PLCB1: variants seen among roughly 807,000 people sequenced by gnomAD.
PLCB1 encodes the protein phospholipase C beta 1.
PLCB1 carries 46 observed loss-of-function variants against 161.8 expected under a neutral mutation model. The observed-to-expected ratio is 0.28, with a 90% confidence interval of 0.22 to 0.36. The LOEUF (loss-of-function observed/expected upper bound fraction) is 0.36. PLCB1 is among the 10% of genes least tolerant of loss of function. The pLI is 1.00. For synonymous variants in PLCB1, 517 were observed against 503.7 expected (o/e 1.03, Z -0.35); for missense variants, 1,016 against 1,472.5 (o/e 0.69, Z 5.07).
chr20:8,803,458 G>A (rs1345118426), intron 31 of PLCB1, among the ~76,000 whole-genome samples: 4 of 129,284 alleles, frequency 3.1e-5, no homozygotes, highest in East Asian at 4.5e-4. Context: ...TCTACTGCCT[G>A]TAACACTAGA....
chr20:8,681,086 G>GTGTGTGTATATATATATA (rs1394518085), intron 9 of PLCB1, among the ~76,000 whole-genome samples: 5 of 73,844 alleles, frequency 6.8e-5, no homozygotes, highest in East Asian at 4.2e-4. Context: ...ATGTGTGTGT[G>GTGTGTGTATATATATATA]TATATATATA....
chr20:8,301,399 T>C (rs932842653), intron 2 of PLCB1, among the ~76,000 whole-genome samples: 2 of 152,204 alleles, frequency 1.3e-5, no homozygotes, highest in Admixed American at 6.5e-5. Flanking sequence ...GAAAGATCCA[T>C]AATACTTTCT....
chr20:8,724,398 G>A (rs1408296958), intron 15 of PLCB1, among the ~76,000 whole-genome samples: 2 of 152,010 alleles, frequency 1.3e-5, no homozygotes, highest in Non-Finnish European at 2.9e-5. Context: ...TGGAAAGGAG[G>A]GGGCAGGGGA....
chr20:8,546,327 A>AAG (rs1335709454), intron 3 of PLCB1, among the ~76,000 whole-genome samples: 1 of 74,350 alleles, frequency 1.3e-5, no homozygotes, highest in African/African-American at 3.9e-5. Context: ...AAAAAAAAAA[A>AAG]AAAAAAAAAA....
At chr20:8,272,937 G>T (rs1246316841) in intron 2 of PLCB1, among the ~76,000 whole-genome samples, 3 of 152,134 alleles carry the variant, frequency 2.0e-5, no homozygotes, top group Non-Finnish European at 4.4e-5. Flanking sequence ...AAAACATCTG[G>T]TGAGGAGCAT....
At chr20:8,318,244 A>G (rs1984748703) in intron 2 of PLCB1, among the ~76,000 whole-genome samples, 1 of 152,178 alleles carries the variant, frequency 6.6e-6, no homozygotes, top group African/African-American at 2.4e-5. Context: ...TTTAAAAGTC[A>G]GAGATATGTA....
chr20:8,315,438 A>G (rs1411075229), intron 2 of PLCB1, among the ~76,000 whole-genome samples: 1 of 152,184 alleles, frequency 6.6e-6, no homozygotes, highest in Non-Finnish European at 1.5e-5. Context: ...AGTTAAGCTG[A>G]CACATTTTGA....
At chr20:8,288,454 ATAGGG>A (rs1983227562) in intron 2 of PLCB1, among the ~76,000 whole-genome samples, 1 of 152,184 alleles carries the variant, frequency 6.6e-6, no homozygotes, top group Non-Finnish European at 1.5e-5. Context: ...AGAAAGAAAA[ATAGGG>A]TAGGATTAGA....
At chr20:8,281,996 A>C (rs1232131708) in intron 2 of PLCB1, among the ~76,000 whole-genome samples, 1 of 152,204 alleles carries the variant, frequency 6.6e-6, no homozygotes, top group Non-Finnish European at 1.5e-5. Flanking sequence ...TTTAAAAAAA[A>C]ATTTTAAATC....
At chr20:8,282,593 A>G (rs957151841) in intron 2 of PLCB1, among the ~76,000 whole-genome samples, 1 of 152,222 alleles carries the variant, frequency 6.6e-6, no homozygotes, top group Non-Finnish European at 1.5e-5. Context: ...AAAAACAGTA[A>G]CAGCAATATG....
At chr20:8,681,086 G>GTATATATATATATATATATA (rs202198416) in intron 9 of PLCB1, among the ~76,000 whole-genome samples, 26 of 73,836 alleles carry the variant, frequency 3.5e-4, no homozygotes, top group Admixed American at 7.9e-4. Flanking sequence ...ATGTGTGTGT[G>GTATATATATATATATATATA]TATATATATA....
chr20:8,583,254 GAA>G (rs970740322), intron 3 of PLCB1, among the ~76,000 whole-genome samples: 3 of 152,230 alleles, frequency 2.0e-5, no homozygotes, highest in African/African-American at 7.2e-5. Flanking sequence ...TATGCAGAGT[GAA>G]AAGAGTTCTG....
intron 2 of PLCB1, among the ~76,000 whole-genome samples, chr20:8,179,805 T>G (rs2051819454): frequency 6.6e-6 from 1 of 151,632 alleles, no homozygotes; most frequent in South Asian, 2.1e-4. Context: ...TGGCTCTTAT[T>G]ATTTTGAGAT....
Position 8,884,675 on chromosome 20 carries a change from G to A in PLCB1, c.*2826G>A, listed in dbSNP as rs1988111557. 6.6e-6 allele frequency: 1 copy of A among 152,508 alleles called. No individual in the cohort carries two copies. The highest frequency in any genetic ancestry group is 6.6e-5 in the Admixed American group (1 of 15,250). 9.4% of individuals were successfully genotyped at this position (152,508 alleles called of 1,614,324 possible). ...TGTTAATATTGTTTGTGATGGATTG[G>A]ACGTTGTGACTCTTGCCTTTTAAGA... On this transcript the variant is annotated 3_prime_UTR_variant, in exon 32 of 32. Coordinates refer to ENST00000338037, the MANE Select transcript of PLCB1 (RefSeq NM_015192.4).
intron 10 of PLCB1, among the ~76,000 whole-genome samples, chr20:8,685,460 A>G (rs1292292829): frequency 6.6e-6 from 1 of 151,566 alleles, no homozygotes; most frequent in Non-Finnish European, 1.5e-5. Flanking sequence ...GTGGTGGCTC[A>G]TGCTTGTAAT....
At chr20:8,240,889 C>T (rs1350025480) in intron 2 of PLCB1, among the ~76,000 whole-genome samples, 1 of 151,816 alleles carries the variant, frequency 6.6e-6, no homozygotes, top group African/African-American at 2.4e-5. Flanking sequence ...CATACTTTTC[C>T]TATTCTTTAC....
intron 31 of PLCB1, among the ~76,000 whole-genome samples, chr20:8,852,725 C>T (rs1986930442): frequency 6.6e-6 from 1 of 152,190 alleles, no homozygotes; most frequent in Non-Finnish European, 1.5e-5. Context: ...GTTTGCTCTC[C>T]AATTTTCTCA....
intron 31 of PLCB1, among the ~76,000 whole-genome samples, chr20:8,813,052 A>C (rs1328679708): frequency 6.6e-6 from 1 of 152,166 alleles, no homozygotes; most frequent in African/African-American, 2.4e-5. Context: ...GTCGCCTGGG[A>C]GGTTTCTAAC....
intron 31 of PLCB1, among the ~76,000 whole-genome samples, chr20:8,824,014 G>A (rs60641133): frequency 0.026 from 4,014 of 151,950 alleles, 168 homozygotes; most frequent in African/African-American, 0.092. Context: ...TCTCTATCCC[G>A]CCTTGGGGAA....
Sources: gnomAD v4.1 joint callset for allele counts (sites outside exome capture counted in the v4.1 genomes callset) on GRCh38, gnomAD v4.1.1 for gene constraint, MANE v1.5 for transcripts, NCBI Gene and HGNC (gene_info 2026-07-23, HGNC 2026-07-21) for gene names.